Variants in KLHL32 observed in about 807,000 individuals in gnomAD.
The protein encoded by KLHL32 is kelch-like protein 32.
In KLHL32, 35 loss-of-function variants were observed where a neutral mutation model predicts 64.8. The ratio of observed to expected loss-of-function variants is 0.54; its 90% confidence interval spans 0.41 to 0.72. The LOEUF (loss-of-function observed/expected upper bound fraction) is 0.72, where lower values mean the gene tolerates loss of function less well. KLHL32 is among the 30% of genes least tolerant of loss of function. The probability of loss-of-function intolerance (pLI) is 0.00; values close to 1 mark genes in which losing one functional copy is unlikely to be tolerated. For synonymous variants in KLHL32, 259 were observed against 281.0 expected (o/e 0.92, Z 0.78); for missense variants, 589 against 768.5 (o/e 0.77, Z 2.76).
intron 2 of KLHL32, among the ~76,000 whole-genome samples, chr6:96,972,928 C>T (rs1335591204): frequency 6.6e-6 from 1 of 152,140 alleles, no homozygotes; most frequent in Non-Finnish European, 1.5e-5. Flanking sequence ...CCACGTGTGC[C>T]TTAACATTTA....
intron 1 of KLHL32, among the ~76,000 whole-genome samples, chr6:96,933,347 G>A (rs144366035): frequency 9.0e-4 from 137 of 152,152 alleles, no homozygotes; most frequent in African/African-American, 2.9e-3. Flanking sequence ...TCAGAATTCC[G>A]TTGCCATCCA....
chr6:96,961,009 T>C (rs566297787), intron 1 of KLHL32, among the ~76,000 whole-genome samples: 1 of 152,286 alleles, frequency 6.6e-6, no homozygotes, highest in East Asian at 1.9e-4. Flanking sequence ...GTCAGTTGTC[T>C]CCTGGATCAG....
chr6:96,940,385 G>A (rs1385605977), intron 1 of KLHL32, among the ~76,000 whole-genome samples: 4 of 152,146 alleles, frequency 2.6e-5, no homozygotes, highest in Non-Finnish European at 5.9e-5. Flanking sequence ...CAGAGAGGAA[G>A]GAAGAAAACC....
At chr6:97,121,447 G>A (rs574056790) in intron 7 of KLHL32, among the ~76,000 whole-genome samples, 1 of 152,160 alleles carries the variant, frequency 6.6e-6, no homozygotes, top group African/African-American at 2.4e-5. Flanking sequence ...TTCTTCTCAG[G>A]GGTGAGAAGA....
At chr6:96,926,590 A>G (rs1203388295) in intron 1 of KLHL32, among the ~76,000 whole-genome samples, 2 of 152,138 alleles carry the variant, frequency 1.3e-5, no homozygotes, top group Non-Finnish European at 2.9e-5. Flanking sequence ...TTTAAAAAAA[A>G]GTTGTGTGTG....
intron 5 of KLHL32, among the ~76,000 whole-genome samples, chr6:97,077,556 A>G (rs535629325): frequency 5.9e-5 from 9 of 152,314 alleles, no homozygotes; most frequent in African/African-American, 2.2e-4. Context: ...GGCCTCATGT[A>G]TCTGGCACCA....
intron 4 of KLHL32, 51 bp downstream of exon 4, chr6:97,041,650 C>G (rs967191158): frequency 1.9e-6 from 2 of 1,055,242 alleles, no homozygotes. Context: ...CTACATCTAA[C>G]CAAAGGAGAT....
intron 7 of KLHL32, among the ~76,000 whole-genome samples, chr6:97,114,776 CA>C (rs769092115): frequency 2.0e-5 from 3 of 152,072 alleles, no homozygotes; most frequent in Non-Finnish European, 2.9e-5. Context: ...TTTTTCCTAC[CA>C]GAACTTCTCC....
intron 1 of KLHL32, among the ~76,000 whole-genome samples, chr6:96,927,896 C>A (rs903846176): frequency 6.6e-6 from 1 of 152,232 alleles, no homozygotes; most frequent in Admixed American, 6.5e-5. Flanking sequence ...CTTCTGTGAG[C>A]AAGCTACTTC....
At chr6:96,993,751 C>T (rs900743613) in intron 3 of KLHL32, among the ~76,000 whole-genome samples, 7 of 152,134 alleles carry the variant, frequency 4.6e-5, no homozygotes, top group African/African-American at 1.2e-4. Context: ...AGTTTATCCT[C>T]ATAATGGCAG....
At chr6:97,118,999 G>A (rs1472936285) in intron 7 of KLHL32, among the ~76,000 whole-genome samples, 4 of 152,032 alleles carry the variant, frequency 2.6e-5, no homozygotes, top group Non-Finnish European at 5.9e-5. Flanking sequence ...ACTTAGCTGC[G>A]GGTCCATTGG....
chr6:97,132,489 T>TA (rs1351649787), intron 9 of KLHL32, among the ~76,000 whole-genome samples, 164 bp from the exon 10 acceptor site: 1 of 152,034 alleles, frequency 6.6e-6, no homozygotes. Context: ...AAATAGTGCT[T>TA]AATTTTTCTG....
At chr6:96,997,031 G>A (rs527784016) in intron 3 of KLHL32, among the ~76,000 whole-genome samples, 1 of 152,196 alleles carries the variant, frequency 6.6e-6, no homozygotes, top group East Asian at 1.9e-4. Context: ...GCGATGGGGA[G>A]GAAAGACAAG....
intron 3 of KLHL32, among the ~76,000 whole-genome samples, chr6:96,996,861 C>G (rs916393922): frequency 2.0e-5 from 3 of 151,986 alleles, no homozygotes; most frequent in African/African-American, 7.3e-5. Context: ...AAATAAAGAA[C>G]AGGAAGCCCA....
At chr6:97,024,655 C>T (rs947592692) in intron 3 of KLHL32, among the ~76,000 whole-genome samples, 4 of 151,916 alleles carry the variant, frequency 2.6e-5, no homozygotes, top group East Asian at 1.9e-4. Flanking sequence ...TTTTCATTAT[C>T]GCGTTTATAA....
intron 3 of KLHL32, among the ~76,000 whole-genome samples, chr6:96,997,635 T>G (rs1434440467): frequency 6.6e-6 from 1 of 152,068 alleles, no homozygotes; most frequent in Non-Finnish European, 1.5e-5. Context: ...CTCAGTTTCT[T>G]GAGAGGCTTA....
chr6:96,947,588 T>A, intron 1 of KLHL32, among the ~76,000 whole-genome samples: 1 of 152,198 alleles, frequency 6.6e-6, no homozygotes, highest in South Asian at 2.1e-4. Context: ...ATTAATGGCA[T>A]ACCTCAATAT....
intron 5 of KLHL32, among the ~76,000 whole-genome samples, chr6:97,076,909 A>G (rs1274286179): frequency 6.6e-6 from 1 of 152,078 alleles, no homozygotes; most frequent in Non-Finnish European, 1.5e-5. Context: ...GAGCAGGAAA[A>G]TCTATGTTTT....
intron 3 of KLHL32, among the ~76,000 whole-genome samples, chr6:97,016,610 A>AT (rs1402865823): frequency 1.3e-5 from 2 of 152,072 alleles, no homozygotes; most frequent in African/African-American, 4.8e-5. Flanking sequence ...GAGACTTTGG[A>AT]TTTGGACTTT....
Sources: allele counts gnomAD v4.1 joint callset (sites outside exome capture counted in the v4.1 genomes callset), GRCh38; gene constraint gnomAD v4.1.1; transcripts MANE v1.5; gene names NCBI Gene and HGNC (gene_info 2026-07-23, HGNC 2026-07-21).